The following DYTN variants were observed in gnomAD, a reference collection of about 807,000 sequenced individuals.
DYTN encodes dystrotelin.
DYTN carries 75 observed loss-of-function variants against 69.6 expected under a neutral mutation model. The observed-to-expected ratio is 1.08, with a 90% CI of 0.89 to 1.31. The LOEUF (loss-of-function observed/expected upper bound fraction) is 1.31, where lower values mean the gene tolerates loss of function less well. Among genes scored for constraint, DYTN ranks in the 50% most tolerant of loss-of-function variants. DYTN has a pLI of 0.00. For missense variants in DYTN, 726 were observed against 688.4 expected (o/e 1.05, Z -0.61); for synonymous variants, 252 against 249.1 (o/e 1.01, Z -0.11).
chr2:206,654,396 A>C (rs1699423642), intron 11 of DYTN, among the ~76,000 whole-genome samples: 1 of 152,214 alleles, frequency 6.6e-6, no homozygotes, highest in South Asian at 2.1e-4. Flanking sequence ...CCAGTTAATG[A>C]ATAGTAAATA....
At chr2:206,701,248 A>C (rs1257419219) in intron 5 of DYTN, 1 of 152,176 alleles carries the variant, frequency 6.6e-6, no homozygotes, top group Non-Finnish European at 1.5e-5. Flanking sequence ...AAGAAATGCC[A>C]ATTTCTGAGG....
At chr2:206,677,179 C>T (rs2105892517) in intron 9 of DYTN, among the ~76,000 whole-genome samples, 1 of 152,236 alleles carries the variant, frequency 6.6e-6, no homozygotes, top group South Asian at 2.1e-4. Flanking sequence ...AACTTCTGAG[C>T]TCAAGTGATC....
intron 9 of DYTN, among the ~76,000 whole-genome samples, chr2:206,669,105 A>C (rs745369618): frequency 6.6e-6 from 1 of 152,218 alleles, no homozygotes; most frequent in African/African-American, 2.4e-5. Flanking sequence ...TAGACTAATA[A>C]TAGATAACTA....
Position 206,694,922 on chromosome 2 carries a change from G to GAAA in DYTN, c.720-48_720-46dup, listed in dbSNP as rs71410896. On this transcript the variant is annotated intron_variant, in intron 7 of 11. Transcript: ENST00000452335. ...CACAGCTTACGTCACTAGTAGATGA[G>GAAA]AAAAAAAAAAAAAAAAGAATATCCA... 6.8e-4 allele frequency: 487 copies of GAAA among 714,230 alleles called. 1 individual carries two copies. Among genetic ancestry groups the GAAA allele is most frequent in the South Asian group, 3.3e-3 (80 of 24,168 alleles). The allele number at this position is 714,230 out of a possible 1,614,324, so 44.2% of individuals were successfully genotyped here. A position where few individuals can be genotyped will look rare whatever the true frequency, so the allele number is the denominator to read the frequency against.
intron 9 of DYTN, among the ~76,000 whole-genome samples, chr2:206,677,454 A>G (rs1699703190): frequency 6.6e-6 from 1 of 152,184 alleles, no homozygotes; most frequent in Non-Finnish European, 1.5e-5. Flanking sequence ...TTTGGTATAT[A>G]CTACAGGAAC....
chr2:206,658,148 AT>A (rs1265971673), intron 11 of DYTN, among the ~76,000 whole-genome samples: 2 of 151,798 alleles, frequency 1.3e-5, no homozygotes, highest in African/African-American at 4.8e-5. Flanking sequence ...TTCTATTGAA[AT>A]TTTTAGTTCA....
intron 1 of DYTN, among the ~76,000 whole-genome samples, chr2:206,714,619 G>A (rs1700110253): frequency 6.6e-6 from 1 of 152,204 alleles, no homozygotes; most frequent in South Asian, 2.1e-4. Context: ...CAAGAAGTTG[G>A]GAGATGTCTG....
chr2:206,661,346 G>A (rs576375424), intron 11 of DYTN, among the ~76,000 whole-genome samples: 1 of 152,286 alleles, frequency 6.6e-6, no homozygotes, highest in South Asian at 2.1e-4. Context: ...AAACACATGA[G>A]TATTTTATCC....
chr2:206,707,448 C>G lies in DYTN; in HGVS notation c.150G>C (p.Trp50Cys). ...CAGAAAGGGAGTGCTTGCGAGCTTCCCAGAAACTTGGACGCAGTAGGACCT... is the reference window on the plus strand; with the variant it reads ...CAGAAAGGGAGTGCTTGCGAGCTTCGCAGAAACTTGGACGCAGTAGGACCT... ...IQQVLLRPSFWEARKHSLSVQ... is the reference protein window; with the variant it reads ...IQQVLLRPSFCEARKHSLSVQ... Residue 50 changes from tryptophan to cysteine, a missense_variant, in exon 3 of 12, where the codon TGG becomes TGC. Transcript: ENST00000452335. 1 of 1,612,748 alleles carries G rather than the reference C, an allele frequency of 6.2e-7. No individual in the cohort carries two copies. Among genetic ancestry groups the G allele is most frequent in the Non-Finnish European group, 8.5e-7 (1 of 1,179,532 alleles).
chr2:206,674,888 C>T (rs1699666436), intron 9 of DYTN, among the ~76,000 whole-genome samples: 1 of 151,960 alleles, frequency 6.6e-6, no homozygotes, highest in Non-Finnish European at 1.5e-5. Flanking sequence ...CAGAAAAACA[C>T]TTCCTCTACG....
intron 1 of DYTN, among the ~76,000 whole-genome samples, chr2:206,716,571 G>A (rs1340069482): frequency 1.3e-5 from 2 of 151,804 alleles, no homozygotes; most frequent in Admixed American, 6.6e-5. Flanking sequence ...CATTTCCTTA[G>A]GCTTTAAAAA....
In DYTN at chr2:206,662,999, C is replaced by A. The variant is rs1218154565; in HGVS notation, c.1537G>T (p.Gly513Cys). ...TCATCCTTTCTCTCCTTGATGTTAC[C>A]TGCCTCTTTCTTTTCCACGGCTGCC... ...ALAAVEKKEA[G>C]NIKERKDELE... is the part of the protein sequence containing the mutation. Residue 513 changes from glycine (G) to cysteine (C), a missense_variant, in exon 11 of 12, where the codon GGT becomes TGT. Coordinates refer to ENST00000452335, the MANE Select transcript of DYTN (RefSeq NM_001093730.1). 6.2e-6 allele frequency: 10 copies of A among 1,613,700 alleles called. No homozygotes were observed. The highest frequency in any genetic ancestry group is 6.8e-6 in the Non-Finnish European group (8 of 1,179,850).
intron 11 of DYTN, among the ~76,000 whole-genome samples, chr2:206,659,839 G>A (rs911518118): frequency 6.6e-6 from 1 of 151,956 alleles, no homozygotes; most frequent in African/African-American, 2.4e-5. Flanking sequence ...AATGCAAAAC[G>A]GTAGCCATGA....
chr2:206,708,701 G>A (rs1291538814), intron 2 of DYTN, among the ~76,000 whole-genome samples: 3 of 152,126 alleles, frequency 2.0e-5, no homozygotes, highest in Non-Finnish European at 4.4e-5. Context: ...TTTATACAGC[G>A]ATGTGTCCCC....
At chr2:206,688,418 A>G (rs964330486) in intron 9 of DYTN, among the ~76,000 whole-genome samples, 2 of 152,150 alleles carry the variant, frequency 1.3e-5, no homozygotes, top group Admixed American at 6.5e-5. Flanking sequence ...AAGTAAAATC[A>G]CCAACAAAAA....
intron 5 of DYTN, among the ~76,000 whole-genome samples, chr2:206,704,412 A>T (rs537947246): frequency 6.6e-6 from 1 of 152,326 alleles, no homozygotes; most frequent in African/African-American, 2.4e-5. Context: ...AATATGTAGG[A>T]GTGAAAAAGG....
intron 11 of DYTN, among the ~76,000 whole-genome samples, chr2:206,657,397 C>T (rs1699462377): frequency 6.6e-6 from 1 of 152,184 alleles, no homozygotes; most frequent in Admixed American, 6.5e-5. Context: ...CCTGACTCAG[C>T]CTCTCAAAGT....
chr2:206,685,086 G>C (rs1375368474), intron 9 of DYTN, among the ~76,000 whole-genome samples: 1 of 152,142 alleles, frequency 6.6e-6, no homozygotes, highest in Non-Finnish European at 1.5e-5. Context: ...GCCTTGCCCA[G>C]GCCTGCACAG....
chr2:206,653,940 T>C (rs1383771597), intron 11 of DYTN, among the ~76,000 whole-genome samples: 1 of 152,202 alleles, frequency 6.6e-6, no homozygotes, highest in Non-Finnish European at 1.5e-5. Flanking sequence ...TGCTCACCCC[T>C]TGCCTTTCTC....
Sources: gnomAD v4.1 joint callset for allele counts (sites outside exome capture counted in the v4.1 genomes callset) on GRCh38, gnomAD v4.1.1 for gene constraint, MANE v1.5 for transcripts, NCBI Gene and HGNC (gene_info 2026-07-23, HGNC 2026-07-21) for gene names.